The following SPAG16 variants were observed in gnomAD, a reference collection of about 807,000 sequenced individuals.
SPAG16 encodes the protein sperm-associated antigen 16 protein.
In SPAG16, 86 loss-of-function variants were observed where a neutral mutation model predicts 80.4. That is an observed-to-expected ratio of 1.07 (90% CI 0.90 to 1.28). The LOEUF (loss-of-function observed/expected upper bound fraction) is 1.28. SPAG16 is among the 50% of genes most tolerant of loss of function. The pLI, the probability that SPAG16 is intolerant of heterozygous loss-of-function variation, is 0.00. For synonymous variants in SPAG16, 294 were observed against 265.9 expected (o/e 1.11, Z -1.03); for missense variants, 870 against 765.3 (o/e 1.14, Z -1.61).
At chr2:214,375,103 A>AT in intron 15 of SPAG16, among the ~76,000 whole-genome samples, 2 of 152,266 alleles carry the variant, frequency 1.3e-5, no homozygotes, top group Middle Eastern at 6.8e-3. Flanking sequence ...CACAGAACTA[A>AT]TTTTCAGGCA....
At chr2:213,608,722 C>A (rs2061347908) in intron 10 of SPAG16, among the ~76,000 whole-genome samples, 1 of 152,164 alleles carries the variant, frequency 6.6e-6, no homozygotes, top group Admixed American at 6.5e-5. Context: ...CTCGCTCTGT[C>A]CCCCCAGGCT....
intron 15 of SPAG16, among the ~76,000 whole-genome samples, chr2:214,266,032 A>G (rs1691542755): frequency 6.6e-6 from 1 of 151,854 alleles, no homozygotes; most frequent in African/African-American, 2.4e-5. Context: ...TTACTGCTCT[A>G]CCCCCAGGGT....
intron 9 of SPAG16, among the ~76,000 whole-genome samples, chr2:213,445,956 T>C (rs1043683836): frequency 2.0e-5 from 3 of 151,934 alleles, no homozygotes; most frequent in Non-Finnish European, 4.4e-5. Flanking sequence ...CCCCTTAGGG[T>C]TAGAACACAC....
At chr2:214,357,059 CCTT>C (rs1468486390) in intron 15 of SPAG16, among the ~76,000 whole-genome samples, 1 of 151,916 alleles carries the variant, frequency 6.6e-6, no homozygotes, top group East Asian at 1.9e-4. Context: ...CCTTCTGTCT[CCTT>C]CTGTCTTCTG....
intron 13 of SPAG16, among the ~76,000 whole-genome samples, chr2:214,073,486 C>T (rs2050912607): frequency 6.6e-6 from 1 of 152,004 alleles, no homozygotes; most frequent in Admixed American, 6.6e-5. Context: ...TCACCTGCCC[C>T]GGCCTTCCAA....
At chr2:213,543,906 T>C (rs932611849) in intron 10 of SPAG16, among the ~76,000 whole-genome samples, 1 of 152,122 alleles carries the variant, frequency 6.6e-6, no homozygotes, top group African/African-American at 2.4e-5. Flanking sequence ...AATAATTACA[T>C]TGCTAAATGG....
intron 9 of SPAG16, among the ~76,000 whole-genome samples, chr2:213,411,824 C>T (rs563231258): frequency 4.9e-4 from 74 of 152,046 alleles, no homozygotes; most frequent in Non-Finnish European, 4.6e-4. Context: ...TAAAACCTCC[C>T]TTAACTATCC....
chr2:214,010,591 G>T (rs1219153903), intron 12 of SPAG16, among the ~76,000 whole-genome samples: 1 of 146,672 alleles, frequency 6.8e-6, no homozygotes, highest in African/African-American at 2.7e-5. Flanking sequence ...ACTGACCTCA[G>T]ACTTTGCAGT....
Position 214,341,381 on chromosome 2 carries a change from C to T in SPAG16, c.1721-68759C>T, listed in dbSNP as rs113229481. Among the ~76,000 whole-genome samples the T allele has an allele frequency of 6.0e-4, 91 of 152,236 alleles. 1 individual carries two copies. The Middle Eastern group carries it at 0.01, about 17-fold the overall frequency. ...AAGAAAATTCCTCACAATTGAAATA[C>T]CCAAGCCTTTAGATTCAAAGAGCTC... On this transcript the variant is annotated intron_variant, in intron 15 of 15. Coordinates refer to ENST00000331683, the MANE Select transcript of SPAG16 (RefSeq NM_024532.5).
intron 10 of SPAG16, among the ~76,000 whole-genome samples, chr2:213,687,572 A>C (rs1156771339): frequency 6.6e-6 from 1 of 152,174 alleles, no homozygotes; most frequent in Non-Finnish European, 1.5e-5. Flanking sequence ...TAGTATTTAA[A>C]AATGTTGCTC....
chr2:214,282,928 G>T (rs1693064483), intron 15 of SPAG16, among the ~76,000 whole-genome samples: 1 of 152,058 alleles, frequency 6.6e-6, no homozygotes, highest in South Asian at 2.1e-4. Flanking sequence ...TCGACTGACA[G>T]ATTTGCTGAG....
intron 13 of SPAG16, among the ~76,000 whole-genome samples, chr2:214,031,215 T>C (rs1322377714): frequency 6.6e-6 from 1 of 151,622 alleles, no homozygotes; most frequent in African/African-American, 2.4e-5. Context: ...TAGACTGGAT[T>C]AAGAAAATGT....
At chr2:214,103,860 C>T (rs933620182) in intron 13 of SPAG16, among the ~76,000 whole-genome samples, 3 of 151,752 alleles carry the variant, frequency 2.0e-5, no homozygotes, top group Admixed American at 2.0e-4. Context: ...GGGTTATGTA[C>T]CACGAGAAAG....
At chr2:213,440,217 C>T (rs561864216) in intron 9 of SPAG16, among the ~76,000 whole-genome samples, 1 of 152,178 alleles carries the variant, frequency 6.6e-6, no homozygotes, top group South Asian at 2.1e-4. Flanking sequence ...TTTTCTCTAT[C>T]CGATATCACT....
chr2:213,942,645 T>C (rs2079259216), intron 12 of SPAG16, among the ~76,000 whole-genome samples: 1 of 152,134 alleles, frequency 6.6e-6, no homozygotes, highest in African/African-American at 2.4e-5. Context: ...ATTTTCCACA[T>C]AGTGGCAGAA....
At chr2:213,758,286 A>G (rs2068454381) in intron 10 of SPAG16, 5 of 152,488 alleles carry the variant, frequency 3.3e-5, no homozygotes, top group African/African-American at 9.6e-5. Context: ...TAGAGTTACT[A>G]TGTTATTAGA....
intron 10 of SPAG16, among the ~76,000 whole-genome samples, chr2:213,535,285 A>G (rs2076203651): frequency 6.6e-6 from 1 of 152,150 alleles, no homozygotes; most frequent in African/African-American, 2.4e-5. Context: ...AATAACAATG[A>G]TGATAGAATT....
At chr2:213,524,210 G>A (rs1250595453) in intron 10 of SPAG16, among the ~76,000 whole-genome samples, 1 of 152,224 alleles carries the variant, frequency 6.6e-6, no homozygotes, top group Admixed American at 6.5e-5. Flanking sequence ...TCAAGCCCAA[G>A]CCTTGGCAGC....
At chr2:214,125,513 T>C (rs1233296769) in intron 14 of SPAG16, among the ~76,000 whole-genome samples, 1 of 151,380 alleles carries the variant, frequency 6.6e-6, no homozygotes, top group African/African-American at 2.4e-5. Flanking sequence ...GTTTTACTAG[T>C]GAAAAAAAAT....
Sources: allele counts gnomAD v4.1 joint callset (sites outside exome capture counted in the v4.1 genomes callset), GRCh38; gene constraint gnomAD v4.1.1; transcripts MANE v1.5; gene names NCBI Gene and HGNC (gene_info 2026-07-23, HGNC 2026-07-21).